Variants in ZNFX1 observed in about 807,000 individuals in gnomAD.
ZNFX1 encodes zinc finger NFX1-type containing 1, also known as NFX1-type zinc finger-containing protein 1.
A neutral mutation model predicts 179.8 loss-of-function variants in ZNFX1; 78 were observed. That is an observed-to-expected ratio of 0.43 (90% CI 0.36 to 0.52). The LOEUF (loss-of-function observed/expected upper bound fraction) is 0.52, where lower values mean the gene tolerates loss of function less well. Among genes scored for constraint, ZNFX1 ranks in the 20% least tolerant of loss-of-function variants. The pLI, the probability that ZNFX1 is intolerant of heterozygous loss-of-function variation, is 0.00. For missense variants in ZNFX1, 1,927 were observed against 2,386.6 expected (o/e 0.81, Z 4.01); for synonymous variants, 848 against 868.5 (o/e 0.98, Z 0.42).
At chr20:49,258,363 C>T (rs1981025135) in intron 7 of ZNFX1, among the ~76,000 whole-genome samples, 1 of 151,938 alleles carries the variant, frequency 6.6e-6, no homozygotes, top group African/African-American at 2.4e-5. Flanking sequence ...GCTGGGATTA[C>T]AGGTGTGAGC....
rs777102939 is a variant in ZNFX1, at chr20:49,248,817, T to G, written c.4207A>C (p.Thr1403Pro). 1.2e-6 allele frequency: 2 copies of G among 1,613,272 alleles called. No homozygotes were observed. Among genetic ancestry groups the G allele is most frequent in the East Asian group, 4.5e-5 (2 of 44,894 alleles). Residue 1403 changes from threonine (T) to proline (P), a missense_variant, in exon 14 of 14, where the codon ACC becomes CCC. Coordinates refer to ENST00000396105, the MANE Select transcript of ZNFX1 (RefSeq NM_021035.3). This position sits in a 1 kb window ranked among gnomAD's most constrained non-coding sequence, Gnocchi z 4.6. ...CTGTGCCCACACTTGAGTTTTATGG[T>G]GACCATTTCTGAACACAGCTGCACA... ...DCVQLCSEMVTIKLKCGHSQP... is the reference protein window; with the variant it reads ...DCVQLCSEMVPIKLKCGHSQP...
At chr20:49,268,996 C>T (rs760970121) in intron 3 of ZNFX1, among the ~76,000 whole-genome samples, 2 of 152,206 alleles carry the variant, frequency 1.3e-5, no homozygotes, top group Non-Finnish European at 2.9e-5. Flanking sequence ...CTAGCAGTCC[C>T]ATTATTGGGT....
intron 2 of ZNFX1, among the ~76,000 whole-genome samples, chr20:49,274,181 T>C (rs890088878): frequency 1.3e-5 from 2 of 152,230 alleles, no homozygotes; most frequent in African/African-American, 4.8e-5. Flanking sequence ...ATTAGCCACA[T>C]GTGGCTGCTA....
rs1243401029 is a variant in ZNFX1 at position 49,271,086 on chromosome 20, C to T, written c.726G>A (p.Glu242=). 6.2e-7 allele frequency: 1 copy of T among 1,614,136 alleles called. No homozygotes were observed. Among genetic ancestry groups the T allele is most frequent in the Non-Finnish European group, 8.5e-7 (1 of 1,180,026 alleles). Residue 242 remains glutamate (E), a synonymous_variant, in exon 3 of 14, where the codon GAG becomes GAA. Coordinates refer to ENST00000396105, the MANE Select transcript of ZNFX1 (RefSeq NM_021035.3). ...GGAGGGAGATGATGTTGCTTATGTG[C>T]TCTGGATACTGGTTTCGGATGTCAG... ...PIPDIRNQYP[E]HISNIISLLQ... is the part of the protein sequence containing the mutation.
chr20:49,252,136 TTTTTC>T (rs1305039242), intron 12 of ZNFX1, among the ~76,000 whole-genome samples: 4 of 150,818 alleles, frequency 2.7e-5, no homozygotes, highest in African/African-American at 9.7e-5. Flanking sequence ...CTGGCCTCTA[TTTTTC>T]TTTTCTTTTT....
chr20:49,269,796 C>T, intron 3 of ZNFX1, 146 bp downstream of exon 3: 1 of 950,662 alleles, frequency 1.1e-6, no homozygotes. Flanking sequence ...ATGTAACAAA[C>T]CTGCACATGT....
Position 49,248,423 on chromosome 20 carries a change from G to C in ZNFX1, c.4601C>G (p.Pro1534Arg). ...CTTAGTACAAGGCACATAGCATGGG[G>C]GTCGGTTGCAGGGCTCAGAGCAGAG... ...TKLCSEPCNR[P>R]PCYVPCTKLL... Residue 1534 changes from proline to arginine, a missense_variant, in exon 14 of 14, where the codon CCC becomes CGC. Coordinates refer to ENST00000396105, the MANE Select transcript of ZNFX1 (RefSeq NM_021035.3). The surrounding 1 kb of genome is among the most constrained non-coding windows in gnomAD (Gnocchi z 4.6). 1.9e-6 allele frequency: 3 copies of C among 1,608,664 alleles called. No individual in the cohort carries two copies. The highest frequency in any genetic ancestry group is 2.6e-6 in the Non-Finnish European group (3 of 1,176,418).
At position 49,271,010 on chromosome 20, in the gene ZNFX1, TG is replaced by T; in HGVS notation, c.801del (p.Met268CysfsTer13). The stretch of plus-strand genomic sequence containing the variant: ...GAGGTTGGCAGGAGGGAAACCAGCA[TG>T]GAAGTTTCCTGCACAGAGCTGGCAG... ...VFPASSVQETSMLVSLLPTSL... is the reference protein window; with the variant it reads ...VFPASSVQETXMLVSLLPTSL... On this transcript the variant is annotated frameshift_variant, in exon 3 of 14. Transcript: ENST00000396105. LOFTEE classifies it high-confidence loss of function. 3 of 1,614,140 alleles carry T rather than the reference TG, an allele frequency of 1.9e-6. No homozygotes were observed. Among genetic ancestry groups the T allele is most frequent in the Non-Finnish European group, 2.5e-6 (3 of 1,180,014 alleles).
At position 49,248,872 on chromosome 20, in the gene ZNFX1, G is replaced by A. The variant is rs904763797; in HGVS notation, c.4152C>T (p.His1384=). The change falls in exon 14 of 14, where the codon CAC becomes CAT. Residue 1384 remains histidine (H), a synonymous_variant. Transcript: ENST00000396105. This position sits in a 1 kb window ranked among gnomAD's most constrained non-coding sequence, Gnocchi z 4.6. ...CCTCACCACATGGGTGGCTGCATCTGTGCCCACATCTCAGAGACTTGGAGC... is the reference window on the plus strand; with the variant it reads ...CCTCACCACATGGGTGGCTGCATCTATGCCCACATCTCAGAGACTTGGAGC... ...EPCSKSLRCG[H]RCSHPCGEDC... is the part of the protein sequence containing the mutation. 1.1e-5 allele frequency: 18 copies of A among 1,614,154 alleles called. No individual in the cohort carries two copies. The highest frequency in any genetic ancestry group is 1.5e-5 in the Non-Finnish European group (18 of 1,180,056).
chr20:49,272,204 A>G (rs557991), intron 2 of ZNFX1, among the ~76,000 whole-genome samples: 101,035 of 147,580 alleles, frequency 0.68, 35,629 homozygotes, highest in Non-Finnish European at 0.78. Flanking sequence ...TTGAGATGGA[A>G]TCTTGCTCTG....
Position 49,265,750 on chromosome 20 carries a change from T to G in ZNFX1, c.2002+385A>C, listed in dbSNP as rs183974437. On this transcript the variant is annotated intron_variant, in intron 4 of 13. Transcript: ENST00000396105. ...AAAAAATGCAAAAGAGACTTCACTTTGGGGCTATAGAAAAAGTCCACCTGA... is the reference window on the plus strand; with the variant it reads ...AAAAAATGCAAAAGAGACTTCACTTGGGGGCTATAGAAAAAGTCCACCTGA... Among the ~76,000 whole-genome samples, 82 of 152,322 alleles carry G rather than the reference T, an allele frequency of 5.4e-4. No individual in the cohort carries two copies. The East Asian group carries it at 0.014, about 26-fold the overall frequency.
rs1158652610 is a variant in ZNFX1, at chr20:49,249,544, A to G, written c.3480T>C (p.Tyr1160=). The G allele has an allele frequency of 2.5e-6, 4 of 1,614,220 alleles. No individual in the cohort carries two copies. Among genetic ancestry groups the G allele is most frequent in the South Asian group, 2.2e-5 (2 of 91,086 alleles). The part of the protein sequence containing the change: ...LPSQITILTT[Y]TGQLFCLRKL... ...TGCGCAGGCAGAAGAGCTGCCCGGT[A>G]TAGGTAGTGAGGATGGTGATCTGGG... The change falls in exon 14 of 14, where the codon TAT becomes TAC. Residue 1160 remains tyrosine, a synonymous_variant. Coordinates refer to ENST00000396105, the MANE Select transcript of ZNFX1 (RefSeq NM_021035.3).
At chr20:49,251,155 T>G (rs76210933) in intron 13 of ZNFX1, among the ~76,000 whole-genome samples, 2 of 152,074 alleles carry the variant, frequency 1.3e-5, no homozygotes, top group African/African-American at 4.8e-5. Context: ...TTTTTTTTTT[T>G]GACAGGGAGT....
At chr20:49,275,088 A>G (rs1178856646) in intron 2 of ZNFX1, among the ~76,000 whole-genome samples, 1 of 151,824 alleles carries the variant, frequency 6.6e-6, no homozygotes, top group African/African-American at 2.4e-5. Context: ...GCGCCACTGC[A>G]CTCCAGCCTG....
intron 3 of ZNFX1, among the ~76,000 whole-genome samples, 192 bp downstream of exon 3, chr20:49,269,750 C>A (rs1354199486): frequency 4.6e-5 from 6 of 130,754 alleles, no homozygotes; most frequent in African/African-American, 1.6e-4. Flanking sequence ...ACAAAATAAT[C>A]TGTACACCAA....
At chr20:49,252,591 G>C (rs1463619950) in intron 12 of ZNFX1, 129 bp downstream of exon 12, 6 of 625,638 alleles carry the variant, frequency 9.6e-6, no homozygotes, top group Non-Finnish European at 1.7e-5. Flanking sequence ...AACAGAAAAT[G>C]TAAGGTTGAC....
rs757469655 is a variant in ZNFX1, at chr20:49,255,890, G to A, written c.2722C>T (p.Leu908=). ...GCCTCGGCTGCAGTCATGGTGTTCA[G>A]TTTGCGAAGCTCATCCTTCACTCTT... ...KKRVKDELRK[L]NTMTAAEANE... is the part of the protein sequence containing the mutation. The change falls in exon 9 of 14, where the codon CTG becomes TTG. Residue 908 remains leucine (L), a synonymous_variant. Coordinates refer to ENST00000396105, the MANE Select transcript of ZNFX1 (RefSeq NM_021035.3). 2.5e-6 allele frequency: 4 copies of A among 1,614,084 alleles called. No individual in the cohort carries two copies. In the African/African-American group the frequency reaches 5.3e-5, roughly 22 times the overall value.
intron 3 of ZNFX1, among the ~76,000 whole-genome samples, 200 bp downstream of exon 3, chr20:49,269,742 A>G (rs1981332621): frequency 7.0e-6 from 1 of 143,496 alleles, no homozygotes; most frequent in Non-Finnish European, 1.5e-5. Context: ...CCTGGATGAC[A>G]AAATAATCTG....
rs1158490091 is a variant in ZNFX1, at chr20:49,254,499, G to A, written c.2955C>T (p.Thr985=). Residue 985 remains threonine (T), a synonymous_variant, in exon 10 of 14, where the codon ACC becomes ACT. Transcript: ENST00000396105. ...AATTTCTCCACAGTTTCTTACCTGT[G>A]GTTGTCATTCCTACAACCTGGGCAT... The part of the protein sequence containing the change: ...LKDAQVVGMT[T]TGAAKYRQIL... The A allele has an allele frequency of 6.2e-7, 1 of 1,614,056 alleles. No individual in the cohort carries two copies. The highest frequency in any genetic ancestry group is 1.1e-5 in the South Asian group (1 of 91,078).
Sources: gnomAD v4.1 joint callset for allele counts (sites outside exome capture counted in the v4.1 genomes callset) on GRCh38, gnomAD v4.1.1 for gene constraint, Gnocchi (gnomAD v3.1) non-coding constraint, MANE v1.5 for transcripts, NCBI Gene and HGNC (gene_info 2026-07-23, HGNC 2026-07-21) for gene names.